The following TERF2 variants were observed in gnomAD, a reference collection of about 807,000 sequenced individuals.
The protein encoded by TERF2 is telomeric repeat-binding factor 2.
A neutral mutation model predicts 56.1 loss-of-function variants in TERF2; 16 were observed. The ratio of observed to expected loss-of-function variants is 0.29; its 90% CI spans 0.19 to 0.43. The LOEUF (loss-of-function observed/expected upper bound fraction) is 0.43. Among genes scored for constraint, TERF2 ranks in the 20% least tolerant of loss-of-function variants. The pLI, the probability that TERF2 is intolerant of heterozygous loss-of-function variation, is 1.00. For synonymous variants in TERF2, 296 were observed against 282.1 expected (o/e 1.05, Z -0.50); for missense variants, 547 against 712.9 (o/e 0.77, Z 2.65).
intron 3 of TERF2, among the ~76,000 whole-genome samples, chr16:69,373,671 C>T (rs1179106227): frequency 6.6e-6 from 1 of 151,886 alleles, no homozygotes; most frequent in Non-Finnish European, 1.5e-5. Flanking sequence ...GTCTCTCCCC[C>T]AAAAAAACCC....
chr16:69,373,343 G>A (rs2013647801), intron 3 of TERF2, among the ~76,000 whole-genome samples: 1 of 152,000 alleles, frequency 6.6e-6, no homozygotes, highest in South Asian at 2.1e-4. Context: ...TCAAGAGAAT[G>A]AGGTTCTCTT....
At chr16:69,367,929 T>C (rs534605017) in intron 6 of TERF2, among the ~76,000 whole-genome samples, 1 of 152,324 alleles carries the variant, frequency 6.6e-6, no homozygotes, top group Non-Finnish European at 1.5e-5. Flanking sequence ...GCACATCCCC[T>C]GGTTCCCAGC....
rs1205740441 is a variant in TERF2 at position 69,372,258 on chromosome 16, A to G, written c.693+11T>C. The G allele has an allele frequency of 1.9e-6, 3 of 1,588,382 alleles. No individual in the cohort carries two copies. The highest frequency in any genetic ancestry group is 2.2e-5 in the East Asian group (1 of 44,532). On this transcript the variant is annotated intron_variant, in intron 4 of 9. Transcript: ENST00000254942. ...ATTTAAGTCACAGGAGCAAAAATGT[A>G]TCAAATTTACCTGAGTTGTGGGGTC...
chr16:69,368,377 T>C lies in TERF2; in HGVS notation c.946A>G (p.Arg316Gly), dbSNP rs770848904. Residue 316 changes from arginine (R) to glycine (G), a missense_variant and splice_region_variant, in exon 6 of 10, where the codon AGG becomes GGG. Around this residue, in one of 6 missense-constraint regions of TERF2, gnomAD observed 211 missense variants for 236.8 expected, o/e 0.89. Transcript: ENST00000254942. ...PVEKPPREPA[R>G]QLRNPPTTIG... ...GATCACAAGAGAGCATCTTTTTACC[T>C]TGCGGGTTCTCTGGGTGGCTTTTCC... The C allele has an allele frequency of 6.2e-7, 1 of 1,613,492 alleles. No homozygotes were observed. Among genetic ancestry groups the C allele is most frequent in the Non-Finnish European group, 8.5e-7 (1 of 1,180,006 alleles).
chr16:69,384,823 T>G (rs1229235852), intron 2 of TERF2, 113 bp from the exon 3 acceptor site: 1 of 1,012,508 alleles, frequency 9.9e-7, no homozygotes, highest in Non-Finnish European at 1.3e-6. Context: ...ATGGTAAGAT[T>G]TGCATTTAAT....
chr16:69,379,684 T>C (rs1173901797), intron 3 of TERF2, among the ~76,000 whole-genome samples: 3 of 152,158 alleles, frequency 2.0e-5, no homozygotes, highest in Non-Finnish European at 4.4e-5. Flanking sequence ...AATCAGAAAA[T>C]TTTAAATATT....
At position 69,356,697 on chromosome 16, in the gene TERF2, G is replaced by A. The variant is rs889355126; in HGVS notation, c.*201C>T. ...CGCCTGTAGTCCCAGCTACTCGGGA[G>A]GCTGAGGCAGGAGAATGGCGTGAGC... On this transcript the variant is annotated 3_prime_UTR_variant, in exon 10 of 10. Transcript: ENST00000254942. 2 of 503,214 alleles carry A rather than the reference G, an allele frequency of 4.0e-6. No homozygotes were observed. The highest frequency in any genetic ancestry group is 3.0e-5 in the South Asian group (1 of 33,360). The allele number at this position is 503,214 out of a possible 1,614,324, so 31.2% of individuals were successfully genotyped here. A position where few individuals can be genotyped will look rare whatever the true frequency, so the allele number is the denominator to read the frequency against.
chr16:69,369,852 A>T (rs2013498033), intron 5 of TERF2, among the ~76,000 whole-genome samples: 1 of 152,062 alleles, frequency 6.6e-6, no homozygotes, highest in Admixed American at 6.6e-5. Context: ...CATCTACCAA[A>T]CCACCCTTCC....
At chr16:69,370,822 G>A (rs749275019) in intron 4 of TERF2, among the ~76,000 whole-genome samples, 193 bp from the exon 5 acceptor site, 5 of 152,118 alleles carry the variant, frequency 3.3e-5, no homozygotes, top group Non-Finnish European at 7.4e-5. Flanking sequence ...GGGTTACTAT[G>A]CAGCTATAAA....
chr16:69,359,324 T>G (rs2013039433), intron 8 of TERF2, among the ~76,000 whole-genome samples: 1 of 152,090 alleles, frequency 6.6e-6, no homozygotes, highest in Non-Finnish European at 1.5e-5. Context: ...GGTCAGGAGT[T>G]CGAGACTAGT....
intron 8 of TERF2, among the ~76,000 whole-genome samples, chr16:69,357,846 CTTT>C (rs71383989): frequency 8.2e-6 from 1 of 121,928 alleles, no homozygotes. Flanking sequence ...ACATCGTTTT[CTTT>C]TTTTTTTTTT....
intron 5 of TERF2, chr16:69,368,704 T>C: frequency 2.8e-6 from 3 of 1,053,854 alleles, no homozygotes; most frequent in Non-Finnish European, 4.0e-6. Context: ...TGAGAGGGAG[T>C]CTTGCTCTGT....
chr16:69,372,804 C>T (rs1235710779), intron 3 of TERF2, among the ~76,000 whole-genome samples: 1 of 152,056 alleles, frequency 6.6e-6, no homozygotes, highest in Admixed American at 6.6e-5. Flanking sequence ...GTGTTATGAA[C>T]CACTGGAAGC....
chr16:69,385,693 T>G lies in TERF2; in HGVS notation c.279A>C (p.Ala93=), dbSNP rs761353762. The change falls in exon 1 of 10, where the codon GCA becomes GCC. Residue 93 remains alanine, a synonymous_variant. Coordinates refer to ENST00000254942, the MANE Select transcript of TERF2 (RefSeq NM_005652.5). ...RGAGEARLEE[A]VNRWVLKFYF... ...AGAACTTGAGCACCCAGCGATTGAC[T>G]GCCTCTTCCAGCCGTGCCTCCCCCG... 1 of 1,606,790 alleles carries G rather than the reference T, an allele frequency of 6.2e-7. No homozygotes were observed. The highest frequency in any genetic ancestry group is 2.3e-5 in the East Asian group (1 of 44,186).
rs767090688 is a variant in TERF2 at position 69,385,694 on chromosome 16, G to A, written c.278C>T (p.Ala93Val). Residue 93 changes from alanine (A) to valine (V), a missense_variant, in exon 1 of 10, where the codon GCA becomes GTA. This residue lies in a region of TERF2 where 120 missense variants were observed against 172.4 expected (regional missense o/e 0.70). Coordinates refer to ENST00000254942, the MANE Select transcript of TERF2 (RefSeq NM_005652.5). ...RGAGEARLEE[A>V]VNRWVLKFYF... is the part of the protein sequence containing the mutation. ...GAACTTGAGCACCCAGCGATTGACT[G>A]CCTCTTCCAGCCGTGCCTCCCCCGC... 5.0e-6 allele frequency: 8 copies of A among 1,605,104 alleles called. No individual in the cohort carries two copies. The Admixed American group carries it at 1.3e-4, about 27-fold the overall frequency.
chr16:69,363,676 CA>C (rs1016670301), intron 7 of TERF2, among the ~76,000 whole-genome samples: 1 of 151,928 alleles, frequency 6.6e-6, no homozygotes, highest in Admixed American at 6.6e-5. Context: ...AACAAAAAAA[CA>C]AAAAAAGACA....
chr16:69,361,948 C>G lies in TERF2; in HGVS notation c.1341-459G>C, dbSNP rs1402169231. 2.1e-5 allele frequency among the ~76,000 whole-genome samples: 2 copies of G among 94,426 alleles called. 1 individual carries two copies. Among genetic ancestry groups the G allele is most frequent in the African/African-American group, 8.0e-5 (2 of 25,002 alleles). The allele number at this position is 94,426 out of a possible 152,430, so 61.9% of individuals were successfully genotyped here. A position where few individuals can be genotyped will look rare whatever the true frequency, so the allele number is the denominator to read the frequency against. ...CATCAGTATTCCACTAGCCTCTTAA[C>G]TAGAGTCTCTGCCGCTAGGCTCTTC... On this transcript the variant is annotated intron_variant, in intron 7 of 9. Coordinates refer to ENST00000254942, the MANE Select transcript of TERF2 (RefSeq NM_005652.5).
chr16:69,361,277 A>T (rs2013127939), intron 8 of TERF2, 127 bp downstream of exon 8: 1 of 693,690 alleles, frequency 1.4e-6, no homozygotes, highest in Non-Finnish European at 2.5e-6. Flanking sequence ...AATTAAAATG[A>T]GATCGGGAAC....
intron 5 of TERF2, among the ~76,000 whole-genome samples, chr16:69,369,069 C>T (rs2013465053): frequency 2.5e-5 from 2 of 78,616 alleles, no homozygotes; most frequent in Non-Finnish European, 5.3e-5. Flanking sequence ...GTTTGAGAAT[C>T]CTTATCTATA....
Sources: gnomAD v4.1 joint callset for allele counts (sites outside exome capture counted in the v4.1 genomes callset) on GRCh38, gnomAD v4.1.1 for gene constraint, gnomAD v4.1.1 regional missense constraint, MANE v1.5 for transcripts, NCBI Gene and HGNC (gene_info 2026-07-23, HGNC 2026-07-21) for gene names.